The following TMEM44 variants were observed in gnomAD, a reference collection of about 807,000 sequenced individuals.
TMEM44 encodes transmembrane protein 44.
A neutral mutation model predicts 47.8 loss-of-function variants in TMEM44; 43 were observed. The ratio of observed to expected loss-of-function variants is 0.90; its 90% confidence interval spans 0.70 to 1.16. The LOEUF (loss-of-function observed/expected upper bound fraction) is 1.16. Ranked by LOEUF, TMEM44 falls within the 50% of genes most tolerant of loss-of-function variation. The pLI, the probability that TMEM44 is intolerant of heterozygous loss-of-function variation, is 0.00. For synonymous variants in TMEM44, 277 were observed against 238.8 expected (o/e 1.16, Z -1.48); for missense variants, 568 against 555.2 (o/e 1.02, Z -0.23).
At chr3:194,621,287 G>A (rs564005524) in intron 5 of TMEM44, among the ~76,000 whole-genome samples, 46 of 152,280 alleles carry the variant, frequency 3.0e-4, no homozygotes, top group Non-Finnish European at 4.0e-4. Flanking sequence ...CTTCCCTGGC[G>A]CCTGCAGAGG....
chr3:194,616,508 C>T, intron 6 of TMEM44: 6 of 448,292 alleles, frequency 1.3e-5, no homozygotes, highest in South Asian at 7.9e-5. Flanking sequence ...ACATGAAGGG[C>T]AAGGCAGAAA....
At chr3:194,629,607 T>A (rs1236648626) in intron 1 of TMEM44, among the ~76,000 whole-genome samples, 3 of 151,058 alleles carry the variant, frequency 2.0e-5, no homozygotes, top group Non-Finnish European at 4.4e-5. Flanking sequence ...GCTGTTTCTA[T>A]CGGCGTCCCT....
intron 1 of TMEM44, 106 bp downstream of exon 1, chr3:194,632,970 TCTC>T: frequency 7.0e-7 from 1 of 1,433,946 alleles, no homozygotes; most frequent in South Asian, 1.3e-5. Context: ...TACTGAGCCA[TCTC>T]CTTCATCCCC....
At chr3:194,622,233 T>C (rs1267063549) in intron 5 of TMEM44, among the ~76,000 whole-genome samples, 1 of 152,180 alleles carries the variant, frequency 6.6e-6, no homozygotes, top group Non-Finnish European at 1.5e-5. Context: ...CTAGCCTGTG[T>C]CCTCAAATTC....
intron 9 of TMEM44, among the ~76,000 whole-genome samples, chr3:194,594,763 G>GCAAA (rs1227736094): frequency 3.9e-5 from 6 of 152,152 alleles, no homozygotes; most frequent in Non-Finnish European, 1.5e-5. Context: ...TTAAAGCCAA[G>GCAAA]CAAACAAACA....
At chr3:194,588,899 T>C in intron 9 of TMEM44, 1 of 483,826 alleles carries the variant, frequency 2.1e-6, no homozygotes, top group Non-Finnish European at 3.8e-6. Context: ...TTCTCCACTC[T>C]TCTCTGCCTC....
At chr3:194,591,011 T>C (rs991413663) in intron 9 of TMEM44, among the ~76,000 whole-genome samples, 1 of 151,740 alleles carries the variant, frequency 6.6e-6, no homozygotes, top group Non-Finnish European at 1.5e-5. Context: ...CTGGCCAACA[T>C]GGTGAAACCC....
At chr3:194,596,171 A>G (rs1490203457) in intron 9 of TMEM44, among the ~76,000 whole-genome samples, 1 of 152,066 alleles carries the variant, frequency 6.6e-6, no homozygotes, top group Non-Finnish European at 1.5e-5. Context: ...CAAGGCGCCC[A>G]GAAGGCCTCA....
rs563550815 is a variant in TMEM44 at position 194,629,140 on chromosome 3, G to A, written c.138-631C>T. Among the ~76,000 whole-genome samples the A allele has an allele frequency of 1.4e-4, 21 of 151,964 alleles. No individual in the cohort carries two copies. The South Asian group carries it at 1.9e-3, about 14-fold the overall frequency. On this transcript the variant is annotated intron_variant, in intron 1 of 9. Transcript: ENST00000347147. ...GATCACACCATTGCACTCCAGCCTG[G>A]GTGACAAAGCGAGACTCCGTCTCAA...
chr3:194,596,002 T>G (rs1577154329), intron 9 of TMEM44, among the ~76,000 whole-genome samples: 1 of 152,156 alleles, frequency 6.6e-6, no homozygotes, highest in East Asian at 1.9e-4. Context: ...GAAGGGGGAT[T>G]TAGACAGGAC....
chr3:194,628,522 G>A lies in TMEM44; in HGVS notation c.138-13C>T. 6.2e-7 allele frequency: 1 copy of A among 1,607,578 alleles called. No individual in the cohort carries two copies. Among genetic ancestry groups the A allele is most frequent in the Non-Finnish European group, 8.5e-7 (1 of 1,176,350 alleles). ...CAGATAGAGAAGCCTGGGGTGACAGGGGTGTGGACAGAACACAGCAACTGT... is the reference window on the plus strand; with the variant it reads ...CAGATAGAGAAGCCTGGGGTGACAGAGGTGTGGACAGAACACAGCAACTGT... On this transcript the variant is annotated splice_polypyrimidine_tract_variant and intron_variant, in intron 1 of 9. Transcript: ENST00000347147.
In TMEM44 at chr3:194,588,500, CTGAGCTGA is replaced by C. The variant is rs763226743; in HGVS notation, c.*21_*28del. 1 of 1,604,512 alleles carries C rather than the reference CTGAGCTGA, an allele frequency of 6.2e-7. No individual in the cohort carries two copies. Among genetic ancestry groups the C allele is most frequent in the Admixed American group, 1.7e-5 (1 of 59,946 alleles). ...CTGAACGAACTCCTGACCCTGGGCT[CTGAGCTGA>C]TGAGCTGGCTCCAGAAGGTGTTAAT... On this transcript the variant is annotated 3_prime_UTR_variant, in exon 10 of 10. Transcript: ENST00000347147.
rs927694164 is a variant in TMEM44, at chr3:194,614,135, T to C, written c.912+1434A>G. Among the ~76,000 whole-genome samples, 61 of 151,396 alleles carry C rather than the reference T, an allele frequency of 4.0e-4. 1 individual carries two copies. Among genetic ancestry groups the C allele is most frequent in the African/African-American group, 5.8e-4 (24 of 41,162 alleles). ...AAAACTCCGTCTCCAAAAAACAAAATAAAACAAAACAAAACAAAAAACCAA... is the reference window on the plus strand; with the variant it reads ...AAAACTCCGTCTCCAAAAAACAAAACAAAACAAAACAAAACAAAAAACCAA... On this transcript the variant is annotated intron_variant, in intron 7 of 9. Coordinates refer to ENST00000347147, the MANE Select transcript of TMEM44 (RefSeq NM_001011655.3).
chr3:194,632,290 C>T (rs1393217401), intron 1 of TMEM44, among the ~76,000 whole-genome samples: 2 of 152,160 alleles, frequency 1.3e-5, no homozygotes, highest in African/African-American at 4.8e-5. Context: ...GCAATACGAC[C>T]AAACGCCTTA....
At chr3:194,598,764 T>C (rs1482283094) in intron 9 of TMEM44, among the ~76,000 whole-genome samples, 1 of 152,178 alleles carries the variant, frequency 6.6e-6, no homozygotes. Flanking sequence ...AAACAGTCGG[T>C]CCATGCCCCA....
At chr3:194,595,022 T>G (rs1177114419) in intron 9 of TMEM44, among the ~76,000 whole-genome samples, 1 of 152,180 alleles carries the variant, frequency 6.6e-6, no homozygotes, top group Non-Finnish European at 1.5e-5. Context: ...TAAATAAAAT[T>G]ATATAGTCTT....
intron 9 of TMEM44, among the ~76,000 whole-genome samples, chr3:194,594,585 T>A (rs577202464): frequency 6.6e-6 from 1 of 151,754 alleles, no homozygotes; most frequent in East Asian, 1.9e-4. Context: ...TCCTTAGCAT[T>A]CTTCATCTAA....
At chr3:194,607,913 T>C (rs1017410460) in intron 8 of TMEM44, among the ~76,000 whole-genome samples, 6 of 152,024 alleles carry the variant, frequency 3.9e-5, no homozygotes, top group Admixed American at 3.9e-4. Context: ...GGGTGGAAGC[T>C]CAAAGACGCA....
At chr3:194,617,292 T>TG in intron 5 of TMEM44, 23 bp from the exon 6 acceptor site, 1 of 615,708 alleles carries the variant, frequency 1.6e-6, no homozygotes, top group Admixed American at 2.9e-5. Flanking sequence ...AGGGAGGGGC[T>TG]GGGCGGGAGA....
Sources: allele counts gnomAD v4.1 joint callset (sites outside exome capture counted in the v4.1 genomes callset), GRCh38; gene constraint gnomAD v4.1.1; transcripts MANE v1.5; gene names NCBI Gene and HGNC (gene_info 2026-07-23, HGNC 2026-07-21).